GPC6: variants seen among roughly 807,000 people sequenced by gnomAD.
The protein encoded by GPC6 is glypican-6.
GPC6 carries 14 observed loss-of-function variants against 55.2 expected under a neutral mutation model. The ratio of observed to expected loss-of-function variants is 0.25; its 90% CI spans 0.17 to 0.40. The LOEUF is 0.40. GPC6 is among the 10% of genes least tolerant of loss of function. The pLI, the probability that GPC6 is intolerant of heterozygous loss-of-function variation, is 1.00. For missense variants in GPC6, 641 were observed against 708.5 expected, an observed-to-expected ratio of 0.90 and a Z score of 1.08; for synonymous variants, 278 against 259.6, an observed-to-expected ratio of 1.07 and a Z score of -0.68.
chr13:93,309,460 C>G (rs1192423674), intron 1 of GPC6, among the ~76,000 whole-genome samples: 1 of 151,956 alleles, frequency 6.6e-6, no homozygotes, highest in African/African-American at 2.4e-5. Flanking sequence ...ATTTTAAAAG[C>G]ACTTTGTCAA....
chr13:93,286,681 T>C (rs537355754), intron 1 of GPC6, among the ~76,000 whole-genome samples: 2 of 152,282 alleles, frequency 1.3e-5, no homozygotes, highest in East Asian at 3.9e-4. Context: ...AGGGAAGGGG[T>C]GGCAGAGGTC....
chr13:93,542,875 G>A (rs13266524), intron 1 of GPC6, among the ~76,000 whole-genome samples: 7 of 152,126 alleles, frequency 4.6e-5, no homozygotes, highest in Non-Finnish European at 8.8e-5. Context: ...GATTGATTTT[G>A]TATCCTGAGA....
At chr13:93,250,703 A>G (rs1029544878) in intron 1 of GPC6, among the ~76,000 whole-genome samples, 10 of 152,156 alleles carry the variant, frequency 6.6e-5, no homozygotes, top group African/African-American at 2.4e-4. Context: ...TTGACCCTAA[A>G]GTTGGTCCAG....
intron 3 of GPC6, among the ~76,000 whole-genome samples, chr13:93,997,581 A>ATGTG (rs146601294): frequency 0.24 from 35,639 of 148,686 alleles, 4,423 homozygotes; most frequent in East Asian, 0.3. Flanking sequence ...AAGACATAAT[A>ATGTG]TGTGTGTGTG....
intron 4 of GPC6, among the ~76,000 whole-genome samples, chr13:94,141,744 AT>A (rs930863218): frequency 9.9e-5 from 15 of 152,112 alleles, no homozygotes; most frequent in African/African-American, 3.4e-4. Flanking sequence ...AAGAATCAGA[AT>A]TTTTTTTAAC....
intron 2 of GPC6, among the ~76,000 whole-genome samples, chr13:93,827,495 T>A (rs1887306689): frequency 6.6e-6 from 1 of 152,226 alleles, no homozygotes; most frequent in Non-Finnish European, 1.5e-5. Flanking sequence ...CTTAGATCAA[T>A]GTGCCTTGAG....
At chr13:93,253,803 A>G (rs1156323687) in intron 1 of GPC6, among the ~76,000 whole-genome samples, 1 of 152,164 alleles carries the variant, frequency 6.6e-6, no homozygotes, top group Non-Finnish European at 1.5e-5. Context: ...AAGTAAATGG[A>G]ACTTGCATCT....
chr13:94,195,047 T>G (rs1225893824), intron 4 of GPC6, among the ~76,000 whole-genome samples: 1 of 152,172 alleles, frequency 6.6e-6, no homozygotes. Flanking sequence ...CACTGAAGTT[T>G]TATTCTTTTC....
intron 2 of GPC6, among the ~76,000 whole-genome samples, chr13:93,815,456 C>T (rs569807026): frequency 1.3e-5 from 2 of 152,160 alleles, no homozygotes; most frequent in Admixed American, 6.5e-5. Flanking sequence ...TGAAAAATGA[C>T]CTGCATACAT....
chr13:93,602,375 A>C (rs921971228), intron 2 of GPC6, among the ~76,000 whole-genome samples: 1 of 152,224 alleles, frequency 6.6e-6, no homozygotes, highest in Non-Finnish European at 1.5e-5. Flanking sequence ...ATTAAAATGA[A>C]GATGACTGAA....
At chr13:93,644,887 A>AC (rs1277066899) in intron 2 of GPC6, among the ~76,000 whole-genome samples, 1 of 152,130 alleles carries the variant, frequency 6.6e-6, no homozygotes, top group Non-Finnish European at 1.5e-5. Flanking sequence ...ACTTCGCCAA[A>AC]TGCAGCCATA....
intron 1 of GPC6, among the ~76,000 whole-genome samples, chr13:93,247,974 A>C (rs1279084087): frequency 6.6e-6 from 1 of 152,212 alleles, no homozygotes; most frequent in Non-Finnish European, 1.5e-5. Flanking sequence ...TATTTTTTCC[A>C]TTTTGTTGTT....
intron 1 of GPC6, among the ~76,000 whole-genome samples, chr13:93,253,580 G>T (rs1040302166): frequency 2.0e-5 from 3 of 152,276 alleles, no homozygotes; most frequent in Admixed American, 2.0e-4. Context: ...AGGAGGACAG[G>T]TGAAGGTAAC....
At chr13:94,259,205 G>A (rs1457648751) in intron 4 of GPC6, among the ~76,000 whole-genome samples, 2 of 152,062 alleles carry the variant, frequency 1.3e-5, no homozygotes, top group African/African-American at 2.4e-5. Context: ...CAGAAGCCCC[G>A]AGCAAACATT....
chr13:93,724,067 G>A (rs148219209), intron 2 of GPC6, among the ~76,000 whole-genome samples: 68 of 152,038 alleles, frequency 4.5e-4, no homozygotes, highest in African/African-American at 1.5e-3. Context: ...GGTGAATGGA[G>A]ATGCTAAGCT....
chr13:93,490,661 C>T, intron 1 of GPC6, among the ~76,000 whole-genome samples: 1 of 80,878 alleles, frequency 1.2e-5, no homozygotes, highest in African/African-American at 4.5e-5. Context: ...CAGTGCTATC[C>T]CTCCCCCCTC....
At chr13:93,943,104 A>G (rs1481563234) in intron 3 of GPC6, among the ~76,000 whole-genome samples, 1 of 152,186 alleles carries the variant, frequency 6.6e-6, no homozygotes, top group Non-Finnish European at 1.5e-5. Flanking sequence ...GTGTCTTTCC[A>G]TTCAGCTAAC....
chr13:93,668,648 G>T (rs976437348), intron 2 of GPC6, among the ~76,000 whole-genome samples: 1 of 152,170 alleles, frequency 6.6e-6, no homozygotes, highest in East Asian at 1.9e-4. Flanking sequence ...CATTAGAGTG[G>T]TGCAGCCACA....
chr13:94,109,190 C>G (rs900639220), intron 4 of GPC6, among the ~76,000 whole-genome samples: 2 of 152,166 alleles, frequency 1.3e-5, no homozygotes, highest in Admixed American at 6.5e-5. Flanking sequence ...CATAAAGGGC[C>G]TAGCGTTATG....
Sources: allele counts gnomAD v4.1 joint callset (sites outside exome capture counted in the v4.1 genomes callset), GRCh38; gene constraint gnomAD v4.1.1; transcripts MANE v1.5; gene names NCBI Gene and HGNC (gene_info 2026-07-23, HGNC 2026-07-21).